TTC38: variants seen among roughly 807,000 people sequenced by gnomAD.
TTC38 encodes the protein tetratricopeptide repeat protein 38.
TTC38 carries 64 observed loss-of-function variants against 64.2 expected under a neutral mutation model. The ratio of observed to expected loss-of-function variants is 1.00; its 90% CI spans 0.81 to 1.23. The LOEUF is 1.23. Ranked by LOEUF, TTC38 falls within the 50% of genes most tolerant of loss-of-function variation. The pLI is 0.00. For missense variants in TTC38, 573 were observed against 615.5 expected (o/e 0.93, Z 0.73); for synonymous variants, 254 against 249.3 (o/e 1.02, Z -0.18).
In TTC38 at chr22:46,273,468, T is replaced by C. The variant is rs1936939464; in HGVS notation, c.194-430T>C. On this transcript the variant is annotated intron_variant, in intron 3 of 13. Coordinates refer to ENST00000381031, the MANE Select transcript of TTC38 (RefSeq NM_017931.4). The surrounding 1 kb of genome is among the most constrained non-coding windows in gnomAD (Gnocchi z 5.1). Reference sequence around the variant, plus strand: ...CCCCCACCCTAACTTTTAGCATGTGTGAGCAGCACAGATGGGATCATGACT... The same window carrying C: ...CCCCCACCCTAACTTTTAGCATGTGCGAGCAGCACAGATGGGATCATGACT... Among the ~76,000 whole-genome samples the C allele has an allele frequency of 6.6e-6, 1 of 152,204 alleles. No homozygotes were observed. The highest frequency in any genetic ancestry group is 1.5e-5 in the Non-Finnish European group (1 of 68,016).
chr22:46,293,744 C>T lies in TTC38; in HGVS notation c.*860C>T, dbSNP rs2077633687. 6.6e-6 allele frequency: 1 copy of T among 152,412 alleles called. No homozygotes were observed. The highest frequency in any genetic ancestry group is 6.6e-5 in the Admixed American group (1 of 15,216). 9.4% of individuals were successfully genotyped at this position (152,412 alleles called of 1,614,324 possible). On this transcript the variant is annotated 3_prime_UTR_variant, in exon 14 of 14. Coordinates refer to ENST00000381031, the MANE Select transcript of TTC38 (RefSeq NM_017931.4). The surrounding 1 kb of genome is among the most constrained non-coding windows in gnomAD (Gnocchi z 6.6). ...CTGGAGCGGGTCCTGTGAGCGCCGC[C>T]TCTGTCTCCTGCTTCCCCACTGAAC...
chr22:46,290,532 G>A (rs2077606832), intron 13 of TTC38, among the ~76,000 whole-genome samples: 2 of 146,678 alleles, frequency 1.4e-5, no homozygotes. Flanking sequence ...GTGTGTTAGG[G>A]CAGCGTGGCT....
intron 9 of TTC38, among the ~76,000 whole-genome samples, chr22:46,285,516 A>G (rs1255532697): frequency 6.6e-6 from 1 of 151,828 alleles, no homozygotes; most frequent in Non-Finnish European, 1.5e-5. Flanking sequence ...AGATTTACAC[A>G]TCTAAGGGCC....
Sources: gnomAD v4.1 joint callset for allele counts (sites outside exome capture counted in the v4.1 genomes callset) on GRCh38, gnomAD v4.1.1 for gene constraint, Gnocchi (gnomAD v3.1) non-coding constraint, MANE v1.5 for transcripts, NCBI Gene and HGNC (gene_info 2026-07-23, HGNC 2026-07-21) for gene names.